Variants in DLG2 observed in about 807,000 individuals in gnomAD.
The protein encoded by DLG2 is disks large homolog 2.
DLG2 carries 45 observed loss-of-function variants against 132.5 expected under a neutral mutation model. That is an observed-to-expected ratio of 0.34 (90% confidence interval 0.27 to 0.44). The LOEUF is 0.44. DLG2 is among the 20% of genes least tolerant of loss of function. The pLI is 1.00. For synonymous variants in DLG2, 424 were observed against 419.6 expected (o/e 1.01, Z -0.13); for missense variants, 1,045 against 1,196.9 (o/e 0.87, Z 1.87).
chr11:84,399,242 C>A (rs1429989797), intron 7 of DLG2, among the ~76,000 whole-genome samples: 1 of 152,052 alleles, frequency 6.6e-6, no homozygotes, highest in Non-Finnish European at 1.5e-5. Context: ...CTATATGTCA[C>A]CTTTAACCCT....
chr11:84,223,273 G>C (rs908243860), intron 8 of DLG2, among the ~76,000 whole-genome samples: 3 of 152,100 alleles, frequency 2.0e-5, no homozygotes, highest in African/African-American at 7.2e-5. Context: ...CGAGTAAAAT[G>C]CTTTTGCCCT....
chr11:83,911,866 C>CT lies in DLG2; in HGVS notation c.1496+18461dup, dbSNP rs1205840405. Among the ~76,000 whole-genome samples the CT allele has an allele frequency of 6.3e-4, 95 of 150,876 alleles. 1 individual carries two copies. The highest frequency in any genetic ancestry group is 3.4e-3 in the Middle Eastern group (1 of 294). ...AAAGCAAAAGGTTTTTTTTTGTTTT[C>CT]TTTTTTTTGACAGTGCAATTACAAA... On this transcript the variant is annotated intron_variant, in intron 15 of 27. Transcript: ENST00000376104.
intron 14 of DLG2, among the ~76,000 whole-genome samples, chr11:83,940,676 C>T (rs1198715292): frequency 6.6e-6 from 1 of 152,132 alleles, no homozygotes; most frequent in Non-Finnish European, 1.5e-5. Flanking sequence ...AGCAATTATA[C>T]CTCCTATTTT....
chr11:84,094,755 G>A (rs998422640), intron 10 of DLG2, among the ~76,000 whole-genome samples: 1 of 152,142 alleles, frequency 6.6e-6, no homozygotes, highest in East Asian at 1.9e-4. Context: ...CCCACCTCCT[G>A]ATATCATTAC....
intron 6 of DLG2, among the ~76,000 whole-genome samples, chr11:85,075,398 C>T (rs2066395406): frequency 6.6e-6 from 1 of 151,756 alleles, no homozygotes; most frequent in Non-Finnish European, 1.5e-5. Context: ...AACTTAGAAG[C>T]AATCTAAATA....
rs147846427 is a variant in DLG2, at chr11:84,655,925, A to G, written c.358-121194T>C. ...GCATTCTGCCAGTTCATTTCCATTC[A>G]CTAAAACAATCAACATTCCAGTAGA... is the stretch of plus-strand genomic sequence containing the variant. On this transcript the variant is annotated intron_variant, in intron 6 of 27. Coordinates refer to ENST00000376104, the MANE Select transcript of DLG2 (RefSeq NM_001142699.3). 1.2e-3 allele frequency among the ~76,000 whole-genome samples: 188 copies of G among 152,162 alleles called. 5 individuals carry two copies. The East Asian group carries it at 0.033, about 27-fold the overall frequency.
At chr11:83,657,744 A>T (rs547981153) in intron 18 of DLG2, among the ~76,000 whole-genome samples, 1 of 151,778 alleles carries the variant, frequency 6.6e-6, no homozygotes, top group Admixed American at 6.6e-5. Flanking sequence ...GTTTCACCGC[A>T]TTAGCCAGGA....
chr11:85,533,476 T>TATATAA (rs1233917527), intron 3 of DLG2, among the ~76,000 whole-genome samples: 1 of 148,558 alleles, frequency 6.7e-6, no homozygotes. Context: ...TATATATATA[T>TATATAA]AATTCTTTTT....
chr11:84,684,164 C>T (rs576374777), intron 6 of DLG2, among the ~76,000 whole-genome samples: 6 of 152,270 alleles, frequency 3.9e-5, no homozygotes, highest in African/African-American at 1.4e-4. Flanking sequence ...TCTACTTTGG[C>T]TACAATATCA....
At chr11:84,858,922 A>T (rs2083172756) in intron 6 of DLG2, among the ~76,000 whole-genome samples, 1 of 152,128 alleles carries the variant, frequency 6.6e-6, no homozygotes, top group Non-Finnish European at 1.5e-5. Flanking sequence ...AGAGGAGAGG[A>T]AGCAGATAAC....
chr11:83,771,604 A>G (rs12802155), intron 18 of DLG2, among the ~76,000 whole-genome samples: 3 of 152,170 alleles, frequency 2.0e-5, no homozygotes, highest in African/African-American at 4.8e-5. Context: ...CTGTAACACA[A>G]CGTAAGTATT....
chr11:85,425,787 G>A lies in DLG2; in HGVS notation c.41-140422C>T, dbSNP rs551438471. ...TCTCACTGGGGAGTGTCAGAAAGTG[G>A]GTGCAGGACAGTGGGTGCAGCACAC... On this transcript the variant is annotated intron_variant, in intron 3 of 27. Transcript: ENST00000376104. Among the ~76,000 whole-genome samples, 34 of 152,158 alleles carry A rather than the reference G, an allele frequency of 2.2e-4. No individual in the cohort carries two copies. In the East Asian group the frequency reaches 6.2e-3, roughly 28 times the overall value.
intron 3 of DLG2, among the ~76,000 whole-genome samples, chr11:85,445,533 A>G (rs1001176315): frequency 2.6e-5 from 4 of 152,152 alleles, no homozygotes; most frequent in Non-Finnish European, 5.9e-5. Context: ...GCAAAAAATT[A>G]GCTGTGCATC....
chr11:84,986,198 A>AC (rs1176431993), intron 6 of DLG2, among the ~76,000 whole-genome samples: 1 of 151,912 alleles, frequency 6.6e-6, no homozygotes, highest in Non-Finnish European at 1.5e-5. Flanking sequence ...AAACTAGAAA[A>AC]CCTAGAGATG....
At chr11:84,186,054 C>G (rs34455483) in intron 8 of DLG2, among the ~76,000 whole-genome samples, 9,697 of 152,170 alleles carry the variant, frequency 0.064, 383 homozygotes, top group African/African-American at 0.097. Flanking sequence ...TAGTTACCTT[C>G]TATATGACAA....
At chr11:83,946,730 C>T (rs10898184) in intron 14 of DLG2, among the ~76,000 whole-genome samples, 21,495 of 151,926 alleles carry the variant, frequency 0.14, 1,548 homozygotes, top group Middle Eastern at 0.17. Context: ...ATTTCACTGG[C>T]GAATACACAC....
At chr11:85,209,902 T>G (rs924592813) in intron 4 of DLG2, among the ~76,000 whole-genome samples, 3 of 152,084 alleles carry the variant, frequency 2.0e-5, no homozygotes, top group African/African-American at 7.2e-5. Context: ...ACTCCTGCCC[T>G]CAGAGGCTTT....
chr11:85,196,160 G>C (rs11234320), intron 4 of DLG2, among the ~76,000 whole-genome samples: 1 of 152,180 alleles, frequency 6.6e-6, no homozygotes, highest in African/African-American at 2.4e-5. Context: ...TGTAAAATCA[G>C]TGACAAATCC....
intron 7 of DLG2, chr11:84,316,885 C>T (rs1390367493): frequency 1.2e-6 from 2 of 1,612,864 alleles, no homozygotes; most frequent in African/African-American, 1.3e-5. Context: ...TCCCTTTGCC[C>T]TTGGTGCTCG....
Sources: gnomAD v4.1 joint callset for allele counts (sites outside exome capture counted in the v4.1 genomes callset) on GRCh38, gnomAD v4.1.1 for gene constraint, MANE v1.5 for transcripts, NCBI Gene and HGNC (gene_info 2026-07-23, HGNC 2026-07-21) for gene names.